The following RSPO2 variants were observed in gnomAD, a reference collection of about 807,000 sequenced individuals.
RSPO2 encodes R-spondin-2.
A neutral mutation model predicts 30.9 loss-of-function variants in RSPO2; 14 were observed. That is an observed-to-expected ratio of 0.45 (90% CI 0.30 to 0.71). RSPO2 has a LOEUF of 0.71. RSPO2 is among the 30% of genes least tolerant of loss of function. The probability of loss-of-function intolerance (pLI) is 0.08; values close to 1 mark genes in which losing one functional copy is unlikely to be tolerated. For synonymous variants in RSPO2, 107 were observed against 96.4 expected, an observed-to-expected ratio of 1.11 and a Z score of -0.64; for missense variants, 264 against 301.9, an observed-to-expected ratio of 0.87 and a Z score of 0.93.
intron 2 of RSPO2, among the ~76,000 whole-genome samples, chr8:108,062,309 A>G (rs1812496062): frequency 6.6e-6 from 1 of 151,880 alleles, no homozygotes; most frequent in African/African-American, 2.4e-5. Flanking sequence ...CAAAGAAGAA[A>G]AGAGAGAAGA....
chr8:107,926,178 T>C lies in RSPO2; in HGVS notation c.617-24988A>G, dbSNP rs1586549264. ...CAGTGATGGTGAGCATTTTTTCATG[T>C]GTTTTTTGGCTGCATAAATGTCTTC... On this transcript the variant is annotated intron_variant, in intron 5 of 5. Coordinates refer to ENST00000276659, the MANE Select transcript of RSPO2 (RefSeq NM_178565.5). Among the ~76,000 whole-genome samples the C allele has an allele frequency of 4.6e-5, 7 of 152,342 alleles. No individual in the cohort carries two copies. The East Asian group carries it at 1.2e-3, about 25-fold the overall frequency.
intron 3 of RSPO2, among the ~76,000 whole-genome samples, chr8:107,978,799 TC>T (rs1814309849): frequency 1.3e-5 from 2 of 151,986 alleles, no homozygotes; most frequent in Admixed American, 6.6e-5. Flanking sequence ...AGGGCTAATA[TC>T]CACAATCTAC....
At chr8:108,059,438 G>A (rs1193323746) in intron 2 of RSPO2, among the ~76,000 whole-genome samples, 3 of 151,614 alleles carry the variant, frequency 2.0e-5, no homozygotes, top group Non-Finnish European at 2.9e-5. Context: ...GTGGAAGTCA[G>A]TGTGGCGATT....
chr8:107,971,973 G>T (rs564117352), intron 3 of RSPO2, among the ~76,000 whole-genome samples: 1 of 152,182 alleles, frequency 6.6e-6, no homozygotes, highest in East Asian at 1.9e-4. Context: ...TTCCCTCATG[G>T]TTTTACCACT....
chr8:108,065,307 G>T (rs200334754), intron 2 of RSPO2, among the ~76,000 whole-genome samples: 1 of 110,872 alleles, frequency 9.0e-6, no homozygotes, highest in Admixed American at 8.7e-5. Context: ...AAAAAAAAAA[G>T]AAGAGTACTA....
At chr8:108,064,210 A>G (rs566636352) in intron 2 of RSPO2, among the ~76,000 whole-genome samples, 19 of 152,338 alleles carry the variant, frequency 1.2e-4, no homozygotes, top group Middle Eastern at 3.4e-3. Flanking sequence ...GCTTCTGCAC[A>G]GCAAAAGAAA....
intron 2 of RSPO2, among the ~76,000 whole-genome samples, chr8:108,020,548 G>A (rs1811028884): frequency 6.6e-6 from 1 of 152,050 alleles, no homozygotes. Context: ...CACTACCCAT[G>A]CCTAGAATAC....
At chr8:108,072,647 G>A (rs1412743199) in intron 2 of RSPO2, among the ~76,000 whole-genome samples, 4 of 151,742 alleles carry the variant, frequency 2.6e-5, no homozygotes, top group Non-Finnish European at 5.9e-5. Context: ...CGATGCCAGA[G>A]AATTTTTCAG....
intron 3 of RSPO2, among the ~76,000 whole-genome samples, chr8:107,977,233 C>T (rs893845174): frequency 1.3e-5 from 2 of 152,202 alleles, no homozygotes; most frequent in Non-Finnish European, 2.9e-5. Context: ...AATATGAAGT[C>T]TTCTATTCCA....
chr8:108,081,732 G>T, intron 2 of RSPO2: 1 of 188,470 alleles, frequency 5.3e-6, no homozygotes, highest in Non-Finnish European at 9.9e-6. Flanking sequence ...TCTCCGCTAC[G>T]CACAAGTGAT....
chr8:108,014,077 A>G (rs528794230), intron 2 of RSPO2, among the ~76,000 whole-genome samples: 1 of 152,366 alleles, frequency 6.6e-6, no homozygotes, highest in East Asian at 1.9e-4. Context: ...TGCAGCCAAG[A>G]AACATATGAA....
At chr8:107,957,990 TA>T in intron 5 of RSPO2, 89 bp downstream of exon 5, 1 of 901,006 alleles carries the variant, frequency 1.1e-6, no homozygotes, top group Non-Finnish European at 1.7e-6. Flanking sequence ...CCTTCAAAGA[TA>T]AATACTTATT....
At position 107,945,042 on chromosome 8, in the gene RSPO2, A is replaced by G. The variant is rs796929251; in HGVS notation, c.616+13038T>C. Among the ~76,000 whole-genome samples the G allele has an allele frequency of 2.6e-5, 4 of 152,046 alleles. 1 individual carries two copies. Among genetic ancestry groups the G allele is most frequent in the African/African-American group, 9.6e-5 (4 of 41,478 alleles). On this transcript the variant is annotated intron_variant, in intron 5 of 5. Coordinates refer to ENST00000276659, the MANE Select transcript of RSPO2 (RefSeq NM_178565.5). ...ATGCTGTCTTTAAGATTGAATTACT[A>G]ATATATAATGGTTTAAGGAATTAAA...
rs998631500 is a variant in RSPO2 at position 107,994,410 on chromosome 8, T to A, written c.95-5166A>T. ...TTTACTTTTTTTTTCCAAACAGAAA[T>A]ATCCTACTGATGGGACATGGTGGGA... On this transcript the variant is annotated intron_variant, in intron 2 of 5. Coordinates refer to ENST00000276659, the MANE Select transcript of RSPO2 (RefSeq NM_178565.5). Among the ~76,000 whole-genome samples, 4 of 152,136 alleles carry A rather than the reference T, an allele frequency of 2.6e-5. No homozygotes were observed. The South Asian group carries it at 8.3e-4, about 32-fold the overall frequency.
At chr8:108,020,816 G>C (rs930799579) in intron 2 of RSPO2, among the ~76,000 whole-genome samples, 2 of 152,108 alleles carry the variant, frequency 1.3e-5, no homozygotes, top group Admixed American at 1.3e-4. Flanking sequence ...GTATCACTCT[G>C]AGGCACGCTG....
At chr8:108,051,365 G>C (rs1292271399) in intron 2 of RSPO2, among the ~76,000 whole-genome samples, 2 of 152,102 alleles carry the variant, frequency 1.3e-5, no homozygotes, top group African/African-American at 4.8e-5. Flanking sequence ...GAAGGTTTGA[G>C]GTTTTGCAGT....
chr8:108,081,830 TGGAGAGA>T, intron 2 of RSPO2: 1 of 873,350 alleles, frequency 1.1e-6, no homozygotes, highest in Non-Finnish European at 1.4e-6. Context: ...GCAAAGCAAA[TGGAGAGA>T]GCGAAGTGGG....
At chr8:107,943,869 C>T (rs1194908076) in intron 5 of RSPO2, among the ~76,000 whole-genome samples, 1 of 152,178 alleles carries the variant, frequency 6.6e-6, no homozygotes, top group Admixed American at 6.5e-5. Context: ...ATGCAAGACA[C>T]AGGCATGTGG....
At chr8:108,065,759 T>G (rs1812646444) in intron 2 of RSPO2, among the ~76,000 whole-genome samples, 1 of 151,934 alleles carries the variant, frequency 6.6e-6, no homozygotes, top group African/African-American at 2.4e-5. Context: ...CACAGCAGGC[T>G]GGGCGTGGTA....
Sources: allele counts gnomAD v4.1 joint callset (sites outside exome capture counted in the v4.1 genomes callset), GRCh38; gene constraint gnomAD v4.1.1; transcripts MANE v1.5; gene names NCBI Gene and HGNC (gene_info 2026-07-23, HGNC 2026-07-21).